The following CHCHD3 variants were observed in gnomAD, a reference collection of about 807,000 sequenced individuals.
CHCHD3 encodes MICOS complex subunit MIC19.
Under a neutral mutation model 38.2 loss-of-function variants are expected in CHCHD3, and 20 were observed. The ratio of observed to expected loss-of-function variants is 0.52; its 90% CI spans 0.37 to 0.76. The LOEUF (loss-of-function observed/expected upper bound fraction) is 0.76. Ranked by LOEUF, CHCHD3 falls within the 30% of genes least tolerant of loss-of-function variation. CHCHD3 has a pLI of 0.00. For missense variants in CHCHD3, 245 were observed against 279.2 expected (o/e 0.88, Z 0.87); for synonymous variants, 82 against 100.0 (o/e 0.82, Z 1.07).
At chr7:132,864,656 C>T (rs1044008925) in intron 5 of CHCHD3, among the ~76,000 whole-genome samples, 2 of 151,932 alleles carry the variant, frequency 1.3e-5, no homozygotes, top group Non-Finnish European at 2.9e-5. Context: ...ACCTCTTGGA[C>T]AAATAAGAGA....
chr7:132,910,899 G>A (rs1809932048), intron 4 of CHCHD3, among the ~76,000 whole-genome samples: 1 of 152,200 alleles, frequency 6.6e-6, no homozygotes. Context: ...ACGGGAGCTG[G>A]CTGACAGTTT....
chr7:132,923,240 A>C (rs1437382890), intron 4 of CHCHD3, among the ~76,000 whole-genome samples: 2 of 152,200 alleles, frequency 1.3e-5, no homozygotes, highest in African/African-American at 4.8e-5. Context: ...AGATTCAAAA[A>C]GGACATGAAT....
At chr7:132,947,682 G>A (rs1214735576) in intron 4 of CHCHD3, among the ~76,000 whole-genome samples, 4 of 151,812 alleles carry the variant, frequency 2.6e-5, no homozygotes, top group Admixed American at 2.6e-4. Context: ...TATAACATTT[G>A]ATAATGTTAT....
intron 4 of CHCHD3, among the ~76,000 whole-genome samples, chr7:132,961,685 A>G (rs1352342570): frequency 3.9e-5 from 6 of 152,234 alleles, no homozygotes; most frequent in Admixed American, 3.9e-4. Flanking sequence ...TATTAAAAAT[A>G]CTGTAGAACT....
At chr7:132,841,390 C>T (rs1185586611) in intron 5 of CHCHD3, among the ~76,000 whole-genome samples, 1 of 115,650 alleles carries the variant, frequency 8.6e-6, no homozygotes, top group East Asian at 2.5e-4. Flanking sequence ...TACAAATGGA[C>T]AGAACTCATT....
chr7:132,834,890 C>A (rs1197883387), intron 6 of CHCHD3, among the ~76,000 whole-genome samples: 1 of 152,140 alleles, frequency 6.6e-6, no homozygotes, highest in Non-Finnish European at 1.5e-5. Context: ...AGAGGCTGAA[C>A]TGATACCACA....
intron 6 of CHCHD3, among the ~76,000 whole-genome samples, chr7:132,800,565 G>C (rs895788320): frequency 6.6e-6 from 1 of 152,132 alleles, no homozygotes; most frequent in African/African-American, 2.4e-5. Flanking sequence ...AGGAAAAAAT[G>C]TGGAGATAAC....
intron 2 of CHCHD3, chr7:133,034,887 A>T (rs1193101472): frequency 6.2e-7 from 1 of 1,610,656 alleles, no homozygotes. Context: ...TCGCTGGAAC[A>T]TTCCAGTGAT....
intron 5 of CHCHD3, among the ~76,000 whole-genome samples, chr7:132,883,753 C>T (rs886385216): frequency 2.6e-5 from 4 of 152,096 alleles, no homozygotes; most frequent in Non-Finnish European, 5.9e-5. Context: ...CAGCCCTTTA[C>T]AGGAAAAATT....
At chr7:133,071,102 G>A (rs962071955) in intron 1 of CHCHD3, among the ~76,000 whole-genome samples, 15 of 152,138 alleles carry the variant, frequency 9.9e-5, no homozygotes, top group African/African-American at 2.9e-4. Context: ...ACAGCCTTGC[G>A]GATTTGAGAG....
chr7:133,039,906 C>T (rs1224294497), intron 2 of CHCHD3, among the ~76,000 whole-genome samples: 1 of 152,144 alleles, frequency 6.6e-6, no homozygotes, highest in Non-Finnish European at 1.5e-5. Context: ...ATGACACAGG[C>T]TCAAGGATAG....
chr7:132,947,754 C>T (rs1810933162), intron 4 of CHCHD3, among the ~76,000 whole-genome samples: 1 of 151,756 alleles, frequency 6.6e-6, no homozygotes, highest in Non-Finnish European at 1.5e-5. Context: ...TTAAAACAAG[C>T]ATTAAAACCT....
chr7:132,959,074 G>A (rs1460946636), intron 4 of CHCHD3, among the ~76,000 whole-genome samples: 1 of 152,150 alleles, frequency 6.6e-6, no homozygotes, highest in African/African-American at 2.4e-5. Context: ...AGAATTTCAG[G>A]CCAAATAGAG....
At chr7:132,937,626 C>A (rs1413505561) in intron 4 of CHCHD3, among the ~76,000 whole-genome samples, 4 of 152,154 alleles carry the variant, frequency 2.6e-5, no homozygotes, top group African/African-American at 9.7e-5. Context: ...TAATTGTATT[C>A]ATAATGTCAT....
At chr7:132,966,638 T>C (rs1234716203) in intron 4 of CHCHD3, among the ~76,000 whole-genome samples, 3 of 152,146 alleles carry the variant, frequency 2.0e-5, no homozygotes, top group South Asian at 2.1e-4. Flanking sequence ...CCATGCACAA[T>C]AGGTTGAAAA....
chr7:132,875,877 T>C (rs1300581400), intron 5 of CHCHD3, among the ~76,000 whole-genome samples: 1 of 152,250 alleles, frequency 6.6e-6, no homozygotes, highest in Non-Finnish European at 1.5e-5. Flanking sequence ...ACTTGCTTTA[T>C]ATGCCAAATT....
At chr7:132,959,722 C>CAAAAAA (rs376282108) in intron 4 of CHCHD3, among the ~76,000 whole-genome samples, 70 of 42,448 alleles carry the variant, frequency 1.6e-3, no homozygotes, top group Admixed American at 2.8e-3. Context: ...AACTCCGTCT[C>CAAAAAA]AAAAAAAAAA....
chr7:133,040,672 T>C (rs904007562), intron 2 of CHCHD3, among the ~76,000 whole-genome samples: 1 of 152,176 alleles, frequency 6.6e-6, no homozygotes, highest in Non-Finnish European at 1.5e-5. Flanking sequence ...TGTGGTTACT[T>C]CCTCGGATTC....
chr7:132,972,613 A>G (rs1811641733), intron 4 of CHCHD3: 93 of 985,454 alleles, frequency 9.4e-5, no homozygotes, highest in Non-Finnish European at 1.1e-4. Flanking sequence ...CCCAATAACT[A>G]AATGTCACTG....
Sources: allele counts gnomAD v4.1 joint callset (sites outside exome capture counted in the v4.1 genomes callset), GRCh38; gene constraint gnomAD v4.1.1; transcripts MANE v1.5; gene names NCBI Gene and HGNC (gene_info 2026-07-23, HGNC 2026-07-21).